DLG2: variants seen among roughly 807,000 people sequenced by gnomAD.
DLG2 encodes disks large homolog 2.
A neutral mutation model predicts 132.5 loss-of-function variants in DLG2; 45 were observed. The ratio of observed to expected loss-of-function variants is 0.34; its 90% CI spans 0.27 to 0.44. The LOEUF (loss-of-function observed/expected upper bound fraction) is 0.44, where lower values mean the gene tolerates loss of function less well. DLG2 is among the 20% of genes least tolerant of loss of function. DLG2 has a pLI of 1.00. For missense variants in DLG2, 1,045 were observed against 1,196.9 expected, an observed-to-expected ratio of 0.87 and a Z score of 1.87; for synonymous variants, 424 against 419.6, an observed-to-expected ratio of 1.01 and a Z score of -0.13.
intron 6 of DLG2, among the ~76,000 whole-genome samples, chr11:84,714,625 C>CTCTTTCTCTT (rs1173761973): frequency 3.4e-4 from 36 of 104,482 alleles, no homozygotes; most frequent in African/African-American, 1.4e-3. Context: ...CTTTCTCTTT[C>CTCTTTCTCTT]TCTCTCTCTC....
intron 3 of DLG2, among the ~76,000 whole-genome samples, chr11:85,549,756 T>C (rs2076558329): frequency 6.6e-6 from 1 of 152,216 alleles, no homozygotes; most frequent in Non-Finnish European, 1.5e-5. Context: ...GTGATGAAAG[T>C]GACCTTTGGT....
chr11:84,736,035 A>G (rs1189354063), intron 6 of DLG2, among the ~76,000 whole-genome samples: 1 of 151,930 alleles, frequency 6.6e-6, no homozygotes, highest in Non-Finnish European at 1.5e-5. Context: ...TTGTAGTTTT[A>G]CATTTTGAGC....
intron 7 of DLG2, among the ~76,000 whole-genome samples, chr11:84,529,332 T>A (rs2099329753): frequency 6.6e-6 from 1 of 152,138 alleles, no homozygotes; most frequent in Non-Finnish European, 1.5e-5. Context: ...GGCATCCAAA[T>A]AGGAAGAGAA....
intron 6 of DLG2, among the ~76,000 whole-genome samples, chr11:84,661,867 T>C (rs1007179065): frequency 2.0e-5 from 3 of 152,164 alleles, no homozygotes; most frequent in Admixed American, 2.0e-4. Context: ...GTAATGCAGA[T>C]CCAGAGACAA....
At chr11:83,528,232 A>T (rs1056292563) in intron 21 of DLG2, among the ~76,000 whole-genome samples, 1 of 152,224 alleles carries the variant, frequency 6.6e-6, no homozygotes, top group Non-Finnish European at 1.5e-5. Context: ...CACAGAGTGG[A>T]TAGAAATCCT....
At chr11:84,136,962 C>G (rs1945820) in intron 9 of DLG2, among the ~76,000 whole-genome samples, 98,918 of 151,934 alleles carry the variant, frequency 0.65, 34,410 homozygotes, top group Middle Eastern at 0.8. Context: ...ATGCCAAATG[C>G]AGAACTGAAG....
chr11:84,763,586 AT>A, intron 6 of DLG2, among the ~76,000 whole-genome samples: 1 of 151,898 alleles, frequency 6.6e-6, no homozygotes, highest in East Asian at 1.9e-4. Context: ...ACAGTTTCTC[AT>A]TTTTTCTATC....
At chr11:85,504,897 C>T (rs888765704) in intron 3 of DLG2, among the ~76,000 whole-genome samples, 4 of 152,054 alleles carry the variant, frequency 2.6e-5, no homozygotes, top group Non-Finnish European at 5.9e-5. Flanking sequence ...TTGAGCAGTG[C>T]TTTGTAGTTC....
At chr11:85,435,826 G>T (rs1272517693) in intron 3 of DLG2, among the ~76,000 whole-genome samples, 1 of 152,024 alleles carries the variant, frequency 6.6e-6, no homozygotes, top group Non-Finnish European at 1.5e-5. Context: ...AAATTCACAT[G>T]GAACCAAAAA....
chr11:83,935,080 G>C (rs755926645), intron 14 of DLG2, among the ~76,000 whole-genome samples: 14 of 152,260 alleles, frequency 9.2e-5, no homozygotes, highest in Non-Finnish European at 1.8e-4. Flanking sequence ...GTTTTCTTGG[G>C]TTGCCATAAT....
At chr11:84,553,464 A>G (rs1163928727) in intron 6 of DLG2, among the ~76,000 whole-genome samples, 1 of 152,242 alleles carries the variant, frequency 6.6e-6, no homozygotes, top group African/African-American at 2.4e-5. Flanking sequence ...TCAATACAAT[A>G]TCAAATAAAA....
chr11:83,831,556 AAGAG>A (rs377245778), intron 17 of DLG2, among the ~76,000 whole-genome samples: 1 of 148,762 alleles, frequency 6.7e-6, no homozygotes, highest in Non-Finnish European at 1.5e-5. Flanking sequence ...GAGAGAGAGA[AAGAG>A]AGAGAGATTT....
chr11:83,916,769 G>T (rs560626332), intron 15 of DLG2, among the ~76,000 whole-genome samples: 5 of 151,990 alleles, frequency 3.3e-5, no homozygotes. Context: ...CCTTCCTTCC[G>T]GTCTTGCTCT....
At chr11:83,824,067 C>A (rs2051725239) in intron 17 of DLG2, among the ~76,000 whole-genome samples, 1 of 152,182 alleles carries the variant, frequency 6.6e-6, no homozygotes, top group Admixed American at 6.5e-5. Context: ...TATTTAATTT[C>A]TCTGAGCCTT....
chr11:84,510,056 T>C (rs1222541201), intron 7 of DLG2, among the ~76,000 whole-genome samples: 2 of 151,134 alleles, frequency 1.3e-5, no homozygotes, highest in South Asian at 4.2e-4. Context: ...AAAATAAAAA[T>C]GAAATCTTAA....
intron 6 of DLG2, among the ~76,000 whole-genome samples, chr11:84,618,348 A>C (rs1179418001): frequency 6.6e-6 from 1 of 152,110 alleles, no homozygotes; most frequent in Non-Finnish European, 1.5e-5. Context: ...TCATTACAGC[A>C]CACAAGGCCC....
intron 3 of DLG2, among the ~76,000 whole-genome samples, chr11:85,387,932 C>T (rs369794178): frequency 3.9e-5 from 6 of 152,294 alleles, no homozygotes; most frequent in Admixed American, 2.0e-4. Flanking sequence ...ACCAGGAAAA[C>T]TGAGAGAATC....
At chr11:84,591,233 G>GTGTGTGTGTGT (rs1208268008) in intron 6 of DLG2, among the ~76,000 whole-genome samples, 2 of 149,712 alleles carry the variant, frequency 1.3e-5, no homozygotes, top group African/African-American at 5.0e-5. Context: ...CTGTGTGTGT[G>GTGTGTGTGTGT]TGTGTGTGTG....
chr11:85,177,280 T>C (rs971659033), intron 4 of DLG2, among the ~76,000 whole-genome samples: 105 of 138,082 alleles, frequency 7.6e-4, no homozygotes, highest in East Asian at 2.6e-3. Context: ...TATATATATA[T>C]ACATATACAC....
Sources: allele counts gnomAD v4.1 joint callset (sites outside exome capture counted in the v4.1 genomes callset), GRCh38; gene constraint gnomAD v4.1.1; transcripts MANE v1.5; gene names NCBI Gene and HGNC (gene_info 2026-07-23, HGNC 2026-07-21).